The following UBR3 variants were observed in gnomAD, a reference collection of about 807,000 sequenced individuals.
UBR3 encodes ubiquitin protein ligase E3 component n-recognin 3, also known as E3 ubiquitin-protein ligase UBR3.
Under a neutral mutation model 243.2 loss-of-function variants are expected in UBR3, and 85 were observed. That is an observed-to-expected ratio of 0.35 (90% CI 0.29 to 0.42). The LOEUF (loss-of-function observed/expected upper bound fraction) is 0.42, where lower values mean the gene tolerates loss of function less well. Among genes scored for constraint, UBR3 ranks in the 10% least tolerant of loss-of-function variants. The pLI is 1.00. For synonymous variants in UBR3, 748 were observed against 799.8 expected, an observed-to-expected ratio of 0.94 and a Z score of 1.09; for missense variants, 1,686 against 2,300.8, an observed-to-expected ratio of 0.73 and a Z score of 5.47.
At chr2:169,889,428 C>G (rs2105322805) in intron 5 of UBR3, among the ~76,000 whole-genome samples, 1 of 152,198 alleles carries the variant, frequency 6.6e-6, no homozygotes, top group Non-Finnish European at 1.5e-5. Flanking sequence ...CCAAGTTTGC[C>G]TTTTCTCTCA....
chr2:169,971,851 AAG>A lies in UBR3; in HGVS notation c.3634+13327_3634+13328del, dbSNP rs532337679. Among the ~76,000 whole-genome samples the A allele has an allele frequency of 5.6e-3, 847 of 152,306 alleles. 7 individuals are homozygous for A. The highest frequency in any genetic ancestry group is 0.019 in the African/African-American group (796 of 41,554). On this transcript the variant is annotated intron_variant, in intron 24 of 38. Transcript: ENST00000272793. ...TTGACACCCTAACATTCACAATTAA[AAG>A]AACTAGAAAAGCAAGAGCATACACA... is the stretch of plus-strand genomic sequence containing the variant.
In UBR3 at chr2:169,914,117, T is replaced by C; in HGVS notation, c.1837T>C (p.Trp613Arg). Residue 613 changes from tryptophan (W) to arginine (R), a missense_variant, in exon 11 of 39, where the codon TGG (tryptophan) becomes CGG (arginine). Transcript: ENST00000272793. ...ATATTGCCTTGAAGCTCTTCAAGAC[T>C]GGTTTGATGCTATTAACTTCGTAGA... is the stretch of plus-strand genomic sequence containing the variant. ...VRYCLEALQD[W>R]FDAINFVDEP... 1 of 1,511,752 alleles carries C rather than the reference T, an allele frequency of 6.6e-7. No homozygotes were observed. The highest frequency in any genetic ancestry group is 1.4e-5 in the African/African-American group (1 of 71,486). The allele number at this position is 1,511,752 out of a possible 1,614,324, so 93.6% of individuals were successfully genotyped here.
intron 5 of UBR3, among the ~76,000 whole-genome samples, chr2:169,888,474 A>G (rs533093040): frequency 6.6e-6 from 1 of 152,198 alleles, no homozygotes; most frequent in African/African-American, 2.4e-5. Context: ...ACATTCTAAC[A>G]GATTTTATGT....
intron 18 of UBR3, among the ~76,000 whole-genome samples, chr2:169,932,647 T>C (rs1411912935): frequency 6.6e-6 from 1 of 152,176 alleles, no homozygotes; most frequent in East Asian, 1.9e-4. Flanking sequence ...AACAATGAAG[T>C]AAACTTTTCT....
intron 10 of UBR3, among the ~76,000 whole-genome samples, 181 bp downstream of exon 10, chr2:169,906,345 A>G (rs970196507): frequency 2.1e-4 from 32 of 152,184 alleles, no homozygotes; most frequent in Non-Finnish European, 3.2e-4. Context: ...CATTATTATC[A>G]GATTTTTCCA....
At chr2:169,832,718 T>G (rs1179438096) in intron 1 of UBR3, among the ~76,000 whole-genome samples, 1 of 152,088 alleles carries the variant, frequency 6.6e-6, no homozygotes, top group African/African-American at 2.4e-5. Context: ...GCGGATCACC[T>G]TAAGTCGGGA....
At chr2:170,048,733 G>A (rs1574449568) in intron 32 of UBR3, among the ~76,000 whole-genome samples, 1 of 152,038 alleles carries the variant, frequency 6.6e-6, no homozygotes, top group South Asian at 2.1e-4. Flanking sequence ...TAAGTGAAAA[G>A]GTGAAAATTC....
intron 30 of UBR3, among the ~76,000 whole-genome samples, chr2:170,024,581 CAT>C (rs200505127): frequency 0.012 from 1,761 of 151,930 alleles, 44 homozygotes; most frequent in African/African-American, 0.039. Context: ...ATGTGAAACT[CAT>C]ATAATAAATT....
rs2085885646 is a variant in UBR3, at chr2:169,925,723, T to C, written c.2127T>C (p.Ile709=). The part of the protein sequence containing the change: ...YVQSHFCNSM[I]DPDIYLLQVC... Reference sequence around the variant, plus strand: ...AGTCTCATTTCTGTAATTCCATGATTGATCCTGACATTTACCTGTTACAGG... The same window carrying C: ...AGTCTCATTTCTGTAATTCCATGATCGATCCTGACATTTACCTGTTACAGG... Residue 709 remains isoleucine, a synonymous_variant, in exon 14 of 39, where the codon ATT becomes ATC. Transcript: ENST00000272793. 1.3e-6 allele frequency: 2 copies of C among 1,549,906 alleles called. No homozygotes were observed. The highest frequency in any genetic ancestry group is 2.5e-5 in the East Asian group (1 of 40,810).
intron 27 of UBR3, among the ~76,000 whole-genome samples, chr2:170,006,491 A>G (rs1248901900): frequency 2.0e-5 from 3 of 152,216 alleles, no homozygotes; most frequent in Non-Finnish European, 4.4e-5. Context: ...TCAGTTGTCC[A>G]ATCAGTTGTA....
At chr2:169,882,820 A>G (rs2083945481) in intron 5 of UBR3, among the ~76,000 whole-genome samples, 2 of 152,168 alleles carry the variant, frequency 1.3e-5, no homozygotes, top group Admixed American at 1.3e-4. Context: ...CAAGGGTTAT[A>G]AAAATTATGA....
At chr2:170,002,863 T>G (rs1187810234) in intron 27 of UBR3, among the ~76,000 whole-genome samples, 1 of 152,156 alleles carries the variant, frequency 6.6e-6, no homozygotes, top group Non-Finnish European at 1.5e-5. Flanking sequence ...TATTTATTTA[T>G]TTATTTTTGA....
intron 5 of UBR3, among the ~76,000 whole-genome samples, chr2:169,888,457 ATGTC>A (rs2084200311): frequency 6.6e-6 from 1 of 152,132 alleles, no homozygotes; most frequent in Admixed American, 6.5e-5. Context: ...TGACTTTAAA[ATGTC>A]TGACATTCTA....
intron 33 of UBR3, among the ~76,000 whole-genome samples, chr2:170,058,976 G>A (rs1012517801): frequency 2.0e-5 from 3 of 152,020 alleles, no homozygotes; most frequent in African/African-American, 7.2e-5. Flanking sequence ...TGCATCTCTC[G>A]ACCCTTGATC....
intron 18 of UBR3, 21 bp from the exon 19 acceptor site, chr2:169,932,891 C>T: frequency 6.5e-7 from 1 of 1,526,772 alleles, no homozygotes. Context: ...GTCAATGTTT[C>T]TACTTTCTTT....
chr2:169,858,588 T>C (rs772173770), intron 1 of UBR3, among the ~76,000 whole-genome samples: 2 of 152,106 alleles, frequency 1.3e-5, no homozygotes, highest in African/African-American at 4.8e-5. Context: ...GTACTTTATT[T>C]ATTTATTTGA....
chr2:169,937,758 T>C (rs4668186), intron 19 of UBR3, among the ~76,000 whole-genome samples: 148,752 of 152,280 alleles, frequency 0.98, 72,736 homozygotes, highest in East Asian at 1. Flanking sequence ...TTATTAAGAG[T>C]TCTTGAGTGC....
chr2:169,979,670 T>C lies in UBR3; in HGVS notation c.3635-6975T>C, dbSNP rs115718505. On this transcript the variant is annotated intron_variant, in intron 24 of 38. Transcript: ENST00000272793. ...ATCTGAAAATATTACATACTGTGTG[T>C]TTCCAGTTATATGACATTCTGGAAA... 7.9e-3 allele frequency among the ~76,000 whole-genome samples: 1,200 copies of C among 152,330 alleles called. 13 individuals are homozygous for C. The highest frequency in any genetic ancestry group is 0.026 in the African/African-American group (1,073 of 41,578).
intron 24 of UBR3, among the ~76,000 whole-genome samples, chr2:169,974,054 A>C (rs983636189): frequency 1.8e-4 from 27 of 152,190 alleles, no homozygotes; most frequent in African/African-American, 5.8e-4. Flanking sequence ...ACATTTGATC[A>C]TGGTGAGTGA....
Sources: gnomAD v4.1 joint callset for allele counts (sites outside exome capture counted in the v4.1 genomes callset) on GRCh38, gnomAD v4.1.1 for gene constraint, MANE v1.5 for transcripts, NCBI Gene and HGNC (gene_info 2026-07-23, HGNC 2026-07-21) for gene names.